The following MLPH variants were observed in gnomAD, a reference collection of about 807,000 sequenced individuals.
MLPH encodes melanophilin.
MLPH carries 51 observed loss-of-function variants against 72.1 expected under a neutral mutation model. The ratio of observed to expected loss-of-function variants is 0.71; its 90% CI spans 0.56 to 0.89. The LOEUF (loss-of-function observed/expected upper bound fraction) is 0.89. MLPH is among the 40% of genes least tolerant of loss of function. The probability of loss-of-function intolerance (pLI) is 0.00; values close to 1 mark genes in which losing one functional copy is unlikely to be tolerated. For missense variants in MLPH, 743 were observed against 759.9 expected (o/e 0.98, Z 0.26); for synonymous variants, 301 against 310.1 (o/e 0.97, Z 0.31).
intron 4 of MLPH, 139 bp downstream of exon 4, chr2:237,511,240 C>A: frequency 1.5e-6 from 1 of 688,204 alleles, no homozygotes; most frequent in Non-Finnish European, 2.6e-6. Flanking sequence ...ATGCACATGC[C>A]TCTCTGTGAA....
Position 237,493,492 on chromosome 2 carries a change from T to C in MLPH, c.66T>C (p.Val22=), listed in dbSNP as rs1160937499. The change falls in exon 2 of 16, where the codon GTT becomes GTC. Residue 22 remains valine (V), a synonymous_variant. Transcript: ENST00000264605. ...DEEAQHVLEV[V]QRDFDLRRKE... ...AGGCCCAGCATGTCTTGGAAGTTGT[T>C]CAACGAGATTTTGACCTCCGAAGGA... The C allele has an allele frequency of 1.2e-6, 2 of 1,614,066 alleles. No homozygotes were observed. The highest frequency in any genetic ancestry group is 2.7e-5 in the African/African-American group (2 of 75,042).
intron 2 of MLPH, among the ~76,000 whole-genome samples, chr2:237,507,927 T>G (rs1312121387): frequency 1.3e-5 from 2 of 152,116 alleles, no homozygotes; most frequent in African/African-American, 4.8e-5. Flanking sequence ...TCGGAACAAT[T>G]GCCCAATCCT....
Position 237,510,139 on chromosome 2 carries a change from G to A in MLPH, c.111-435G>A. 1 of 286,910 alleles carries A rather than the reference G, an allele frequency of 3.5e-6. No homozygotes were observed. Among genetic ancestry groups the A allele is most frequent in the Non-Finnish European group, 6.7e-6 (1 of 148,792 alleles). The allele number at this position is 286,910 out of a possible 1,614,324, so 17.8% of individuals were successfully genotyped here. A position where few individuals can be genotyped will look rare whatever the true frequency, so the allele number is the denominator to read the frequency against. ...GCCATTTCAGCTGCGCTCTAGAGGAGCAAACCTGGGGCGTTAGCTCAACTC... is the reference window on the plus strand; with the variant it reads ...GCCATTTCAGCTGCGCTCTAGAGGAACAAACCTGGGGCGTTAGCTCAACTC... On this transcript the variant is annotated intron_variant, in intron 2 of 15. Transcript: ENST00000264605. This position sits in a 1 kb window ranked among gnomAD's most constrained non-coding sequence, Gnocchi z 4.4.
intron 14 of MLPH, among the ~76,000 whole-genome samples, chr2:237,550,384 G>A (rs1316093618): frequency 1.3e-5 from 2 of 152,116 alleles, no homozygotes; most frequent in Non-Finnish European, 2.9e-5. Context: ...TGGTGCCCAG[G>A]GCCCTTTGGG....
intron 9 of MLPH, among the ~76,000 whole-genome samples, chr2:237,536,154 TG>T (rs771551380): frequency 2.0e-4 from 30 of 152,134 alleles, no homozygotes; most frequent in Non-Finnish European, 3.7e-4. Context: ...AAGCTCGGGT[TG>T]GGGGCATGAG....
intron 12 of MLPH, 78 bp from the exon 13 acceptor site, chr2:237,546,528 A>T (rs2080921664): frequency 1.6e-6 from 2 of 1,255,820 alleles, no homozygotes; most frequent in Non-Finnish European, 2.3e-6. Flanking sequence ...CCATCCTTAC[A>T]TCCAGCTGAC....
chr2:237,496,327 G>C (rs767163854), intron 2 of MLPH, among the ~76,000 whole-genome samples: 1 of 152,158 alleles, frequency 6.6e-6, no homozygotes, highest in Admixed American at 6.5e-5. Flanking sequence ...TGTCTTCCAG[G>C]GGACTGCTGA....
intron 2 of MLPH, among the ~76,000 whole-genome samples, chr2:237,509,919 T>A (rs1454905594): frequency 6.6e-6 from 1 of 152,222 alleles, no homozygotes; most frequent in African/African-American, 2.4e-5. Context: ...CATCTGAAAC[T>A]GAAAATATTA....
intron 14 of MLPH, 136 bp from the exon 15 acceptor site, chr2:237,552,201 A>G (rs1028251437): frequency 1.0e-5 from 7 of 674,624 alleles, no homozygotes; most frequent in African/African-American, 5.5e-5. Flanking sequence ...TTTAAAAAAT[A>G]TGTGATGTGG....
At chr2:237,533,538 C>G (rs903090498) in intron 8 of MLPH, among the ~76,000 whole-genome samples, 1 of 152,106 alleles carries the variant, frequency 6.6e-6, no homozygotes, top group African/African-American at 2.4e-5. Flanking sequence ...GGATTACAGG[C>G]ATGAGCCACC....
intron 15 of MLPH, chr2:237,552,978 C>T (rs575577901): frequency 3.1e-5 from 12 of 389,892 alleles, no homozygotes; most frequent in Non-Finnish European, 6.4e-5. Flanking sequence ...AAAGAAAGTG[C>T]ACTCCACAGA....
chr2:237,546,474 C>T, intron 12 of MLPH, 132 bp from the exon 13 acceptor site: 3 of 779,444 alleles, frequency 3.8e-6, no homozygotes, highest in Non-Finnish European at 6.8e-6. Flanking sequence ...CTGGGGGTGG[C>T]TGTGCAGTCC....
intron 4 of MLPH, among the ~76,000 whole-genome samples, chr2:237,515,970 A>G (rs1449470866): frequency 1.3e-5 from 2 of 152,242 alleles, no homozygotes; most frequent in African/African-American, 4.8e-5. Flanking sequence ...ATCACAGAGC[A>G]GAGAGTGAAG....
At chr2:237,507,581 G>A (rs1559342304) in intron 2 of MLPH, among the ~76,000 whole-genome samples, 1 of 152,122 alleles carries the variant, frequency 6.6e-6, no homozygotes, top group Non-Finnish European at 1.5e-5. Context: ...CATTTCATAT[G>A]CACACCAAAA....
At position 237,520,090 on chromosome 2, in the gene MLPH, G is replaced by A; in HGVS notation, c.675+61G>A. 3 of 1,610,874 alleles carry A rather than the reference G, an allele frequency of 1.9e-6. No individual in the cohort carries two copies. In the Admixed American group the frequency reaches 5.0e-5, roughly 27 times the overall value. On this transcript the variant is annotated intron_variant, in intron 6 of 15. Transcript: ENST00000264605. ...CAGGAACCTGAGTGGCAGGTGCTCA[G>A]GCCCCAGGTGAGGGACAGCACTCTG...
intron 4 of MLPH, chr2:237,518,179 A>G (rs2080093116): frequency 2.7e-6 from 1 of 375,444 alleles, no homozygotes; most frequent in African/African-American, 2.2e-5. Context: ...TGAGCCACTG[A>G]TTGAGTGGGT....
chr2:237,528,054 C>G (rs902908135), intron 8 of MLPH, among the ~76,000 whole-genome samples: 2 of 152,186 alleles, frequency 1.3e-5, no homozygotes, highest in African/African-American at 4.8e-5. Flanking sequence ...TATGGTTCCA[C>G]TTAACCTGAG....
At chr2:237,552,767 CAA>C (rs2081064462) in intron 15 of MLPH, among the ~76,000 whole-genome samples, 1 of 152,242 alleles carries the variant, frequency 6.6e-6, no homozygotes, top group Non-Finnish European at 1.5e-5. Flanking sequence ...TAAAAAACCC[CAA>C]GAGAGTTCAC....
intron 2 of MLPH, among the ~76,000 whole-genome samples, chr2:237,501,221 A>G (rs2079640457): frequency 6.6e-6 from 1 of 152,078 alleles, no homozygotes; most frequent in Non-Finnish European, 1.5e-5. Flanking sequence ...CCAGCACAGT[A>G]CTGACCATGG....
Sources: gnomAD v4.1 joint callset for allele counts (sites outside exome capture counted in the v4.1 genomes callset) on GRCh38, gnomAD v4.1.1 for gene constraint, Gnocchi (gnomAD v3.1) non-coding constraint, MANE v1.5 for transcripts, NCBI Gene and HGNC (gene_info 2026-07-23, HGNC 2026-07-21) for gene names.